Variants in STRBP observed in about 807,000 individuals in gnomAD.
The protein encoded by STRBP is spermatid perinuclear RNA-binding protein.
A neutral mutation model predicts 80.1 loss-of-function variants in STRBP; 13 were observed. The ratio of observed to expected loss-of-function variants is 0.16; its 90% CI spans 0.11 to 0.26. The LOEUF (loss-of-function observed/expected upper bound fraction) is 0.26, where lower values mean the gene tolerates loss of function less well. STRBP is among the 10% of genes least tolerant of loss of function. The probability of loss-of-function intolerance (pLI) is 1.00; values close to 1 mark genes in which losing one functional copy is unlikely to be tolerated. For missense variants in STRBP, 485 were observed against 815.2 expected (o/e 0.59, Z 4.93); for synonymous variants, 284 against 291.2 (o/e 0.98, Z 0.25).
rs927563005 is a variant in STRBP at position 123,110,278 on chromosome 9, T to C, written c.*85-525A>G. 1 of 153,586 alleles carries C rather than the reference T, an allele frequency of 6.5e-6. No homozygotes were observed. Among genetic ancestry groups the C allele is most frequent in the Non-Finnish European group, 1.5e-5 (1 of 68,104 alleles). The allele number at this position is 153,586 out of a possible 1,614,324, so 9.5% of individuals were successfully genotyped here. A position where few individuals can be genotyped will look rare whatever the true frequency, so the allele number is the denominator to read the frequency against. ...GCGGGTAAACCAGGACACACAGGCA[T>C]GGGGCTGCAGGGCTAACGGTATGAT... is the stretch of plus-strand genomic sequence containing the variant. On this transcript the variant is annotated intron_variant and NMD_transcript_variant, in intron 3 of 3. Transcript: ENST00000471564. The surrounding 1 kb of genome is among the most constrained non-coding windows in gnomAD (Gnocchi z 4.1).
intron 2 of STRBP, among the ~76,000 whole-genome samples, chr9:123,220,991 T>G (rs539974425): frequency 6.6e-6 from 1 of 152,218 alleles, no homozygotes; most frequent in South Asian, 2.1e-4. Flanking sequence ...GACAATAAAA[T>G]AGAGACGTTT....
intron 1 of STRBP, among the ~76,000 whole-genome samples, chr9:123,261,610 C>T (rs1329260610): frequency 6.6e-6 from 1 of 151,978 alleles, no homozygotes; most frequent in African/African-American, 2.4e-5. Flanking sequence ...AAAAAAATCA[C>T]AGTTAGTACT....
chr9:123,170,779 T>C (rs891336973), intron 5 of STRBP, among the ~76,000 whole-genome samples: 1 of 152,148 alleles, frequency 6.6e-6, no homozygotes, highest in Admixed American at 6.5e-5. Context: ...TATATTAAGT[T>C]ATGCTTAATA....
chr9:123,246,240 T>C (rs2040797386), intron 1 of STRBP, among the ~76,000 whole-genome samples: 2 of 152,226 alleles, frequency 1.3e-5, no homozygotes, highest in South Asian at 4.1e-4. Flanking sequence ...GAAGTATTCT[T>C]TTCCAACTGC....
chr9:123,134,261 C>G (rs2036262726), intron 16 of STRBP, among the ~76,000 whole-genome samples: 2 of 152,186 alleles, frequency 1.3e-5, no homozygotes, highest in African/African-American at 4.8e-5. Context: ...TGCAAAGCCT[C>G]AAAGCGTACT....
At chr9:123,209,533 T>C (rs552263551) in intron 2 of STRBP, among the ~76,000 whole-genome samples, 2 of 152,350 alleles carry the variant, frequency 1.3e-5, no homozygotes, top group African/African-American at 4.8e-5. Context: ...ATATTCTTCT[T>C]AGTAAACCAC....
chr9:123,199,931 T>A (rs932274474), intron 2 of STRBP, among the ~76,000 whole-genome samples: 1 of 152,214 alleles, frequency 6.6e-6, no homozygotes, highest in Non-Finnish European at 1.5e-5. Context: ...AAAGTGGGCA[T>A]CCTTGTCTTG....
chr9:123,111,435 C>G (rs1346180592), intron 3 of STRBP: 1 of 299,328 alleles, frequency 3.3e-6, no homozygotes, highest in Non-Finnish European at 7.0e-6. Flanking sequence ...AAGAGTCTGA[C>G]TCGCAAAAGC....
intron 2 of STRBP, among the ~76,000 whole-genome samples, chr9:123,224,057 G>A (rs965988505): frequency 6.6e-6 from 1 of 152,104 alleles, no homozygotes; most frequent in Non-Finnish European, 1.5e-5. Flanking sequence ...TCAAAATTCC[G>A]AGTTCCACAA....
At chr9:123,187,717 G>C (rs1466869985) in intron 2 of STRBP, among the ~76,000 whole-genome samples, 1 of 151,920 alleles carries the variant, frequency 6.6e-6, no homozygotes, top group Non-Finnish European at 1.5e-5. Context: ...AAGTTGAGTG[G>C]AAAGTGGAAA....
chr9:123,200,250 C>T (rs1374408155), intron 2 of STRBP, among the ~76,000 whole-genome samples: 3 of 152,258 alleles, frequency 2.0e-5, no homozygotes, highest in Non-Finnish European at 2.9e-5. Flanking sequence ...ATTCTGTACC[C>T]ATTCTGCCAT....
At chr9:123,188,040 C>G (rs1472428852) in intron 2 of STRBP, among the ~76,000 whole-genome samples, 1 of 152,072 alleles carries the variant, frequency 6.6e-6, no homozygotes, top group Non-Finnish European at 1.5e-5. Flanking sequence ...TCCCCACCCC[C>G]AAGCCCTTAG....
intron 1 of STRBP, among the ~76,000 whole-genome samples, chr9:123,252,528 C>G (rs2040938848): frequency 6.6e-6 from 1 of 152,092 alleles, no homozygotes. Flanking sequence ...AATATTTGAG[C>G]CAAGCTACAA....
intron 4 of STRBP, among the ~76,000 whole-genome samples, chr9:123,174,513 T>C (rs1011544746): frequency 6.6e-6 from 1 of 152,218 alleles, no homozygotes; most frequent in African/African-American, 2.4e-5. Flanking sequence ...CCACTGTATA[T>C]TGGGAAAGAA....
intron 1 of STRBP, among the ~76,000 whole-genome samples, chr9:123,265,304 G>A (rs894316817): frequency 4.0e-5 from 6 of 151,548 alleles, no homozygotes; most frequent in Non-Finnish European, 1.5e-5. Context: ...CTTATTATTC[G>A]AACATACAAT....
At chr9:123,147,215 T>C (rs2036848148) in intron 12 of STRBP, among the ~76,000 whole-genome samples, 161 bp from the exon 13 acceptor site, 1 of 152,228 alleles carries the variant, frequency 6.6e-6, no homozygotes, top group African/African-American at 2.4e-5. Context: ...AAAATTATTA[T>C]GCTAATATCA....
intron 11 of STRBP, among the ~76,000 whole-genome samples, chr9:123,156,978 T>A (rs896066899): frequency 6.6e-6 from 1 of 152,066 alleles, no homozygotes. Flanking sequence ...CACATTTGAG[T>A]ATCCACTGTA....
At chr9:123,112,960 C>G (rs935411195) in intron 3 of STRBP, 1 of 167,030 alleles carries the variant, frequency 6.0e-6, no homozygotes, top group African/African-American at 2.4e-5. Context: ...TGCCCTCGTA[C>G]GTGAATCTTT....
At chr9:123,166,348 G>A (rs767658680) in intron 6 of STRBP, among the ~76,000 whole-genome samples, 6 of 152,098 alleles carry the variant, frequency 3.9e-5, no homozygotes, top group Non-Finnish European at 8.8e-5. Context: ...GCCAGTTATT[G>A]TACAAGTCAC....
Sources: allele counts gnomAD v4.1 joint callset (sites outside exome capture counted in the v4.1 genomes callset), GRCh38; gene constraint gnomAD v4.1.1; non-coding constraint Gnocchi (gnomAD v3.1); transcripts MANE v1.5; gene names NCBI Gene and HGNC (gene_info 2026-07-23, HGNC 2026-07-21).